The following BARD1 variants were observed in gnomAD, a reference collection of about 807,000 sequenced individuals.
BARD1 encodes BRCA1 associated RING domain 1.
Under a neutral mutation model 77.0 loss-of-function variants are expected in BARD1, and 73 were observed. That is an observed-to-expected ratio of 0.95 (90% CI 0.79 to 1.15). The LOEUF is 1.15. Ranked by LOEUF, BARD1 falls within the 50% of genes most tolerant of loss-of-function variation. BARD1 has a pLI of 0.00. For missense variants in BARD1, 993 were observed against 938.8 expected (o/e 1.06, Z -0.75); for synonymous variants, 384 against 338.0 (o/e 1.14, Z -1.49).
rs1428807353 is a variant in BARD1, at chr2:214,809,612, A to G, written c.-43T>C. The G allele has an allele frequency of 6.6e-7, 1 of 1,525,304 alleles. No individual in the cohort carries two copies. Among genetic ancestry groups the G allele is most frequent in the Non-Finnish European group, 8.8e-7 (1 of 1,138,514 alleles). The allele number at this position is 1,525,304 out of a possible 1,614,324, so 94.5% of individuals were successfully genotyped here. ...AAAGGCTCCTCGCAGAGCGGGAAGC[A>G]AGGAAGCCTCGGGAAACCACAGGGA... On this transcript the variant is annotated 5_prime_UTR_variant, in exon 1 of 11. Coordinates refer to ENST00000260947, the MANE Select transcript of BARD1 (RefSeq NM_000465.4).
At chr2:214,765,103 C>G (rs980498033) in intron 6 of BARD1, among the ~76,000 whole-genome samples, 3 of 152,146 alleles carry the variant, frequency 2.0e-5, no homozygotes, top group Non-Finnish European at 4.4e-5. Flanking sequence ...AAAATTTATT[C>G]CTTGGTAGCA....
Position 214,781,457 on chromosome 2 carries a change from C to T in BARD1, c.417G>A (p.Lys139=). 1.2e-6 allele frequency: 2 copies of T among 1,613,012 alleles called. No homozygotes were observed. The highest frequency in any genetic ancestry group is 2.2e-5 in the East Asian group (1 of 44,862). Residue 139 remains lysine, a synonymous_variant, in exon 4 of 11, where the codon AAG becomes AAA. Coordinates refer to ENST00000260947, the MANE Select transcript of BARD1 (RefSeq NM_000465.4). The stretch of plus-strand genomic sequence containing the variant: ...TAAACCACATTTTAATTGAATTCTT[C>T]TTGTTTCCTGCATCATTAAACAAAC... ...RKSLFNDAGN[K]KNSIKMWFSP... is the part of the protein sequence containing the mutation.
intron 2 of BARD1, among the ~76,000 whole-genome samples, chr2:214,796,341 A>C (rs77228179): frequency 0.015 from 2,357 of 152,316 alleles, 22 homozygotes; most frequent in Non-Finnish European, 0.023. Flanking sequence ...ATGTGACCTA[A>C]TTTGGAAAAA....
intron 1 of BARD1, among the ~76,000 whole-genome samples, chr2:214,798,017 G>A (rs1695835774): frequency 1.3e-5 from 2 of 151,854 alleles, no homozygotes; most frequent in Non-Finnish European, 2.9e-5. Context: ...TAAATGATGA[G>A]CACTTTTTCT....
intron 6 of BARD1, among the ~76,000 whole-genome samples, chr2:214,755,555 G>A (rs1693655711): frequency 6.6e-6 from 1 of 152,160 alleles, no homozygotes; most frequent in African/African-American, 2.4e-5. Flanking sequence ...AACAAGTAAT[G>A]AGGTGAAATA....
At position 214,772,780 on chromosome 2, in the gene BARD1, C is replaced by T. The variant is rs191404429; in HGVS notation, c.1315-3468G>A. Among the ~76,000 whole-genome samples, 71 of 152,210 alleles carry T rather than the reference C, an allele frequency of 4.7e-4. 1 individual carries two copies. The East Asian group carries it at 0.01, about 22-fold the overall frequency. On this transcript the variant is annotated intron_variant, in intron 4 of 10. Transcript: ENST00000260947. ...TACTTCATGTAAATGTAATGTCATGCGCATAAATAAAATTATGATAATTAG... is the reference window on the plus strand; with the variant it reads ...TACTTCATGTAAATGTAATGTCATGTGCATAAATAAAATTATGATAATTAG...
chr2:214,784,432 G>T (rs1695178783), intron 3 of BARD1, among the ~76,000 whole-genome samples: 1 of 152,114 alleles, frequency 6.6e-6, no homozygotes, highest in Non-Finnish European at 1.5e-5. Flanking sequence ...GTTGGTGGGG[G>T]TGTAAATTAG....
chr2:214,746,338 T>C (rs946080259), intron 7 of BARD1, among the ~76,000 whole-genome samples: 8 of 152,128 alleles, frequency 5.3e-5, no homozygotes, highest in Non-Finnish European at 1.0e-4. Context: ...AGCATCAAAA[T>C]AGTAACCCCT....
intron 2 of BARD1, among the ~76,000 whole-genome samples, chr2:214,792,759 G>A (rs776839607): frequency 6.6e-6 from 1 of 152,260 alleles, no homozygotes; most frequent in Non-Finnish European, 1.5e-5. Flanking sequence ...ATGCATAGTA[G>A]TCGTGCATCC....
At position 214,727,089 on chromosome 2, in the gene BARD1, C is replaced by G; in HGVS notation, c.*1587G>C. On this transcript the variant is annotated 3_prime_UTR_variant, in exon 11 of 11. Transcript: ENST00000260947. ...TGTTTGGTGCTATGGTGTTCATTTTCTATCAGAATGAAATGTGGGACAAAT... is the reference window on the plus strand; with the variant it reads ...TGTTTGGTGCTATGGTGTTCATTTTGTATCAGAATGAAATGTGGGACAAAT... 4.7e-6 allele frequency: 1 copy of G among 214,868 alleles called. No homozygotes were observed. The highest frequency in any genetic ancestry group is 9.4e-6 in the Non-Finnish European group (1 of 106,442). 13.3% of individuals were successfully genotyped at this position (214,868 alleles called of 1,614,324 possible). A position where few individuals can be genotyped will look rare whatever the true frequency, so the allele number is the denominator to read the frequency against.
At chr2:214,747,726 G>C (rs1239390590) in intron 7 of BARD1, among the ~76,000 whole-genome samples, 1 of 110,128 alleles carries the variant, frequency 9.1e-6, no homozygotes, top group African/African-American at 3.4e-5. Flanking sequence ...GGAGGGGGGA[G>C]GGATAGCATT....
chr2:214,729,286 AT>A (rs952226595), intron 10 of BARD1, among the ~76,000 whole-genome samples: 3 of 152,180 alleles, frequency 2.0e-5, no homozygotes, highest in African/African-American at 7.2e-5. Flanking sequence ...ATCTTCAGTA[AT>A]TTTGTGCATG....
intron 1 of BARD1, 137 bp downstream of exon 1, chr2:214,809,275 C>G (rs1696439758): frequency 8.3e-7 from 1 of 1,206,576 alleles, no homozygotes; most frequent in African/African-American, 1.5e-5. Context: ...TATCCCCCGG[C>G]AGGTGCTAAC....
chr2:214,808,382 C>T (rs1462372389), intron 1 of BARD1, among the ~76,000 whole-genome samples: 1 of 152,194 alleles, frequency 6.6e-6, no homozygotes, highest in Admixed American at 6.5e-5. Flanking sequence ...GCACTCCAGC[C>T]TGGGCGACAG....
At chr2:214,793,141 T>C (rs1052283180) in intron 2 of BARD1, among the ~76,000 whole-genome samples, 4 of 152,112 alleles carry the variant, frequency 2.6e-5, no homozygotes, top group South Asian at 2.1e-4. Context: ...TGGGTTCCAG[T>C]AGGACTGAGT....
chr2:214,760,341 C>G (rs1456584572), intron 6 of BARD1, among the ~76,000 whole-genome samples: 1 of 152,088 alleles, frequency 6.6e-6, no homozygotes, highest in Non-Finnish European at 1.5e-5. Context: ...TACAGGCACA[C>G]GCCGCCACAC....
intron 4 of BARD1, among the ~76,000 whole-genome samples, chr2:214,771,924 G>GAAAA (rs10602414): frequency 3.7e-5 from 4 of 107,148 alleles, no homozygotes; most frequent in Admixed American, 9.6e-5. Context: ...CCAGTTTCAG[G>GAAAA]AAAAAAAAAA....
In BARD1 at chr2:214,728,601, C is replaced by T; in HGVS notation, c.*75G>A. On this transcript the variant is annotated 3_prime_UTR_variant, in exon 11 of 11. Coordinates refer to ENST00000260947, the MANE Select transcript of BARD1 (RefSeq NM_000465.4). ...CTCTACCTATTTGTAAAAATGTGAACATTAAAAACAGTACAATGACTGGGC... is the reference window on the plus strand; with the variant it reads ...CTCTACCTATTTGTAAAAATGTGAATATTAAAAACAGTACAATGACTGGGC... 1.5e-6 allele frequency: 2 copies of T among 1,346,048 alleles called. No homozygotes were observed. The highest frequency in any genetic ancestry group is 2.1e-6 in the Non-Finnish European group (2 of 964,488). The allele number at this position is 1,346,048 out of a possible 1,614,324, so 83.4% of individuals were successfully genotyped here.
At chr2:214,777,503 T>A (rs1694786372) in intron 4 of BARD1, among the ~76,000 whole-genome samples, 1 of 152,180 alleles carries the variant, frequency 6.6e-6, no homozygotes, top group Non-Finnish European at 1.5e-5. Flanking sequence ...AACTGCAAGT[T>A]TACCAACATG....
Sources: gnomAD v4.1 joint callset for allele counts (sites outside exome capture counted in the v4.1 genomes callset) on GRCh38, gnomAD v4.1.1 for gene constraint, MANE v1.5 for transcripts, NCBI Gene and HGNC (gene_info 2026-07-23, HGNC 2026-07-21) for gene names.